The following JADE2 variants were observed in gnomAD, a reference collection of about 807,000 sequenced individuals.
The protein encoded by JADE2 is E3 ubiquitin-protein ligase Jade-2.
JADE2 carries 13 observed loss-of-function variants against 85.7 expected under a neutral mutation model. The ratio of observed to expected loss-of-function variants is 0.15; its 90% CI spans 0.10 to 0.24. JADE2 has a LOEUF of 0.24. Ranked by LOEUF, JADE2 falls within the 10% of genes least tolerant of loss-of-function variation. The pLI is 1.00. For missense variants in JADE2, 846 were observed against 1,115.9 expected, an observed-to-expected ratio of 0.76 and a Z score of 3.45; for synonymous variants, 440 against 456.1, an observed-to-expected ratio of 0.96 and a Z score of 0.45.
intron 4 of JADE2, among the ~76,000 whole-genome samples, chr5:134,557,003 GCACA>G (rs1193362318): frequency 9.7e-6 from 1 of 102,960 alleles, no homozygotes; most frequent in African/African-American, 3.9e-5. Context: ...CATACCACAT[GCACA>G]CACACACATC....
intron 9 of JADE2, among the ~76,000 whole-genome samples, chr5:134,571,480 G>T (rs367845078): frequency 1.2e-4 from 18 of 152,148 alleles, no homozygotes; most frequent in Admixed American, 9.8e-4. Context: ...GGGCGGATCA[G>T]GAGGTCAGGA....
At position 134,581,103 on chromosome 5, in the gene JADE2, CAT is replaced by C. The variant is rs1764690916; in HGVS notation, c.*1787_*1788del. The C allele has an allele frequency of 6.6e-6, 1 of 152,612 alleles. No homozygotes were observed. Among genetic ancestry groups the C allele is most frequent in the African/African-American group, 2.4e-5 (1 of 41,460 alleles). 9.5% of individuals were successfully genotyped at this position (152,612 alleles called of 1,614,324 possible). A position where few individuals can be genotyped will look rare whatever the true frequency, so the allele number is the denominator to read the frequency against. ...TGGCATTGTCATCGACACTCAATTT[CAT>C]GTGAATTTTAGCAAAACAGGAAACA... On this transcript the variant is annotated 3_prime_UTR_variant, in exon 12 of 12. Transcript: ENST00000681547.
chr5:134,573,525 T>C (rs1764169677), intron 9 of JADE2, 120 bp from the exon 10 acceptor site: 1 of 753,330 alleles, frequency 1.3e-6, no homozygotes, highest in Admixed American at 2.0e-5. Flanking sequence ...CTGGGCAGGA[T>C]AGGCTGTGGC....
rs1763632989 is a variant in JADE2, at chr5:134,566,239, A to G, written c.1093A>G (p.Ser365Gly). 1.2e-6 allele frequency: 2 copies of G among 1,614,054 alleles called. No individual in the cohort carries two copies. Among genetic ancestry groups the G allele is most frequent in the Non-Finnish European group, 1.7e-6 (2 of 1,180,042 alleles). ...VKFKSFCQEH[S>G]DGGPRNEPTS... ...GTTCAAGTCATTCTGCCAGGAGCAC[A>G]GTGACGGGGGCCCACGTAATGAGCC... Residue 365 changes from serine (S) to glycine (G), a missense_variant, in exon 9 of 12, where the codon AGT (serine) becomes GGT (glycine). Physicochemically the swap from Ser to Gly is moderately conservative, Grantham distance 56. Coordinates refer to ENST00000681547, the MANE Select transcript of JADE2 (RefSeq NM_001388185.1). This position sits in a 1 kb window ranked among gnomAD's most constrained non-coding sequence, Gnocchi z 6.7.
In JADE2 at chr5:134,566,044, G is replaced by T. The variant is rs1763621149; in HGVS notation, c.970-72G>T. On this transcript the variant is annotated intron_variant, in intron 8 of 11. Transcript: ENST00000681547. The surrounding 1 kb of genome is among the most constrained non-coding windows in gnomAD (Gnocchi z 6.7). ...TGCGCATTCTCAGTAGAGCCCTGGGGGAAGCCCCTCTGTCTTCTCCCCTCC... is the reference window on the plus strand; with the variant it reads ...TGCGCATTCTCAGTAGAGCCCTGGGTGAAGCCCCTCTGTCTTCTCCCCTCC... The T allele has an allele frequency of 4.6e-6, 6 of 1,311,766 alleles. No homozygotes were observed. The Admixed American group carries it at 9.4e-5, about 21-fold the overall frequency. 81.3% of individuals were successfully genotyped at this position (1,311,766 alleles called of 1,614,324 possible). A position where few individuals can be genotyped will look rare whatever the true frequency, so the allele number is the denominator to read the frequency against.
intron 1 of JADE2, chr5:134,526,256 A>C (rs1268587726): frequency 1.0e-6 from 1 of 985,152 alleles, no homozygotes; most frequent in East Asian, 1.1e-4. Flanking sequence ...GGAGGCTGAG[A>C]GGGGCGCATG....
At chr5:134,559,715 G>A (rs1763208619) in intron 4 of JADE2, 115 bp from the exon 5 acceptor site, 2 of 999,906 alleles carry the variant, frequency 2.0e-6, no homozygotes, top group Non-Finnish European at 2.9e-6. Context: ...GCCCTGTGTG[G>A]TGTCAAAGCA....
chr5:134,536,071 T>C (rs1344602292), intron 2 of JADE2, among the ~76,000 whole-genome samples, 156 bp downstream of exon 2: 1 of 152,188 alleles, frequency 6.6e-6, no homozygotes, highest in African/African-American at 2.4e-5. Flanking sequence ...ACTCCTGCCC[T>C]TCCACTTCTA....
At chr5:134,553,992 A>C (rs2149944268) in intron 4 of JADE2, among the ~76,000 whole-genome samples, 2 of 152,038 alleles carry the variant, frequency 1.3e-5, no homozygotes, top group Middle Eastern at 6.8e-3. Flanking sequence ...TCCCCCACCC[A>C]CCAGTCTGCC....
intron 4 of JADE2, among the ~76,000 whole-genome samples, chr5:134,556,508 ACAC>A (rs145341530): frequency 0.12 from 13,872 of 112,898 alleles, 622 homozygotes; most frequent in East Asian, 0.23. Context: ...GCACACACAC[ACAC>A]ATCACACAAC....
At chr5:134,537,514 C>T (rs1213531121) in intron 2 of JADE2, among the ~76,000 whole-genome samples, 1 of 152,160 alleles carries the variant, frequency 6.6e-6, no homozygotes, top group African/African-American at 2.4e-5. Flanking sequence ...GGGTGACAAG[C>T]TAGTAAGTGG....
At chr5:134,541,960 G>T (rs1334811377) in intron 3 of JADE2, among the ~76,000 whole-genome samples, 2 of 152,272 alleles carry the variant, frequency 1.3e-5, no homozygotes, top group African/African-American at 4.8e-5. Context: ...TTGCCCAATG[G>T]CTGGCCCTTC....
rs149287037 is a variant in JADE2 at position 134,573,685 on chromosome 5, C to T, written c.1475C>T (p.Thr492Met). The change falls in exon 10 of 12, where the codon ACG becomes ATG. Residue 492 changes from threonine (T) to methionine (M), a missense_variant. Thr to Met is a moderately conservative substitution (Grantham distance 81, BLOSUM62 -1). Transcript: ENST00000681547. ...LCYMVTRRER[T>M]KHAICKLQEQ... ...TACATGGTGACAAGGCGCGAGAGAA[C>T]GAAACACGCCATCTGCAAACTCCAG... 68 of 1,613,764 alleles carry T rather than the reference C, an allele frequency of 4.2e-5. No individual in the cohort carries two copies. The highest frequency in any genetic ancestry group is 6.7e-5 in the African/African-American group (5 of 75,042).
chr5:134,536,294 G>A (rs752680875), intron 2 of JADE2, among the ~76,000 whole-genome samples: 2 of 152,134 alleles, frequency 1.3e-5, no homozygotes, highest in Non-Finnish European at 2.9e-5. Context: ...TACCGGATAA[G>A]TACCATTTCC....
At chr5:134,576,347 T>G (rs996864332) in intron 10 of JADE2, among the ~76,000 whole-genome samples, 1 of 152,162 alleles carries the variant, frequency 6.6e-6, no homozygotes, top group Non-Finnish European at 1.5e-5. Flanking sequence ...TCAGGGTTGC[T>G]GACCCTGGGG....
chr5:134,577,162 T>G, intron 11 of JADE2: 5 of 365,782 alleles, frequency 1.4e-5, no homozygotes, highest in East Asian at 5.2e-5. Context: ...TGTCCAGTCA[T>G]TCCCCTGGCT....
chr5:134,576,834 A>G lies in JADE2; in HGVS notation c.1619A>G (p.Lys540Arg), dbSNP rs1327665834. ...DSKRKGCEGS[K>R]GSTEKKEKVK... ...AAGAGGAAGGGCTGCGAGGGCTCCA[A>G]GGGCAGCACTGAGAAGAAAGAGAAA... is the stretch of plus-strand genomic sequence containing the variant. The change falls in exon 11 of 12, where the codon AAG (lysine) becomes AGG (arginine). Residue 540 changes from lysine to arginine, a missense_variant. Coordinates refer to ENST00000681547, the MANE Select transcript of JADE2 (RefSeq NM_001388185.1). The G allele has an allele frequency of 1.0e-5, 16 of 1,550,442 alleles. No individual in the cohort carries two copies. Among genetic ancestry groups the G allele is most frequent in the Non-Finnish European group, 1.4e-5 (16 of 1,146,934 alleles).
intron 9 of JADE2, among the ~76,000 whole-genome samples, chr5:134,568,345 G>T (rs1167231052): frequency 6.6e-6 from 1 of 152,206 alleles, no homozygotes; most frequent in Non-Finnish European, 1.5e-5. Context: ...AAAAGGAGTT[G>T]TTGGCTTATT....
chr5:134,571,441 G>A (rs1255926685), intron 9 of JADE2, among the ~76,000 whole-genome samples: 1 of 152,214 alleles, frequency 6.6e-6, no homozygotes, highest in Non-Finnish European at 1.5e-5. Flanking sequence ...GCTCACGCCT[G>A]TAATCCCAGA....
Sources: allele counts gnomAD v4.1 joint callset (sites outside exome capture counted in the v4.1 genomes callset), GRCh38; gene constraint gnomAD v4.1.1; non-coding constraint Gnocchi (gnomAD v3.1); transcripts MANE v1.5; gene names NCBI Gene and HGNC (gene_info 2026-07-23, HGNC 2026-07-21).